The following ERC2 variants were observed in gnomAD, a reference collection of about 807,000 sequenced individuals.
The protein encoded by ERC2 is ERC protein 2.
A neutral mutation model predicts 114.8 loss-of-function variants in ERC2; 42 were observed. The observed-to-expected ratio is 0.37, with a 90% confidence interval of 0.29 to 0.47. The LOEUF is 0.47. Ranked by LOEUF, ERC2 falls within the 20% of genes least tolerant of loss-of-function variation. The pLI is 0.99. For synonymous variants in ERC2, 454 were observed against 425.5 expected, an observed-to-expected ratio of 1.07 and a Z score of -0.82; for missense variants, 939 against 1,150.7, an observed-to-expected ratio of 0.82 and a Z score of 2.66.
intron 6 of ERC2, among the ~76,000 whole-genome samples, chr3:56,107,585 A>T (rs2078739115): frequency 6.6e-6 from 1 of 152,178 alleles, no homozygotes; most frequent in Non-Finnish European, 1.5e-5. Flanking sequence ...AAAAATGTGC[A>T]GGCAACCACA....
chr3:55,835,426 TGG>T (rs2060829084), intron 14 of ERC2, among the ~76,000 whole-genome samples: 1 of 152,174 alleles, frequency 6.6e-6, no homozygotes, highest in East Asian at 1.9e-4. Context: ...GCTTCATTCC[TGG>T]GATGCAAGGC....
intron 2 of ERC2, among the ~76,000 whole-genome samples, chr3:56,351,285 C>T (rs369197936): frequency 6.4e-4 from 97 of 152,094 alleles, no homozygotes; most frequent in Non-Finnish European, 1.1e-3. Flanking sequence ...CAGAACACTG[C>T]GAAGGAAAAT....
intron 14 of ERC2, among the ~76,000 whole-genome samples, chr3:55,874,778 G>C (rs972582642): frequency 3.3e-5 from 5 of 152,044 alleles, no homozygotes; most frequent in Non-Finnish European, 2.9e-5. Flanking sequence ...CCAGACGCTA[G>C]CAACACTGGA....
intron 1 of ERC2, among the ~76,000 whole-genome samples, chr3:56,458,339 G>A (rs2063157308): frequency 6.6e-6 from 1 of 152,200 alleles, no homozygotes; most frequent in Non-Finnish European, 1.5e-5. Flanking sequence ...GGCAAAGCCA[G>A]AAAGGGAACT....
chr3:56,293,667 A>G (rs2055238268), intron 3 of ERC2, among the ~76,000 whole-genome samples: 1 of 152,166 alleles, frequency 6.6e-6, no homozygotes, highest in African/African-American at 2.4e-5. Flanking sequence ...AGGGCTACCT[A>G]CTCACTTTGG....
At chr3:55,530,242 G>C (rs946204625) in intron 17 of ERC2, among the ~76,000 whole-genome samples, 1 of 152,198 alleles carries the variant, frequency 6.6e-6, no homozygotes, top group Non-Finnish European at 1.5e-5. Flanking sequence ...CCAGGGATTG[G>C]TAAGATAGCA....
chr3:56,017,792 A>C (rs1218292289), intron 8 of ERC2, among the ~76,000 whole-genome samples: 1 of 152,010 alleles, frequency 6.6e-6, no homozygotes, highest in African/African-American at 2.4e-5. Context: ...CTAGAGTCTA[A>C]ACTCCATTAG....
chr3:56,160,219 T>A (rs533269218), intron 4 of ERC2, among the ~76,000 whole-genome samples: 1 of 152,250 alleles, frequency 6.6e-6, no homozygotes, highest in African/African-American at 2.4e-5. Context: ...CTTCTCACTG[T>A]GGTTTTTATT....
chr3:56,152,079 G>A (rs2081441915), intron 4 of ERC2, among the ~76,000 whole-genome samples: 1 of 152,062 alleles, frequency 6.6e-6, no homozygotes, highest in South Asian at 2.1e-4. Context: ...TAGAGACGGG[G>A]AAAGTGAAAT....
intron 7 of ERC2, among the ~76,000 whole-genome samples, chr3:56,080,569 T>C (rs537840785): frequency 2.6e-4 from 40 of 152,314 alleles, no homozygotes; most frequent in South Asian, 6.2e-4. Flanking sequence ...CAATTCTCTC[T>C]ATGTTTAAGC....
chr3:55,762,482 C>T (rs1233155581), intron 14 of ERC2, among the ~76,000 whole-genome samples: 5 of 152,180 alleles, frequency 3.3e-5, no homozygotes, highest in African/African-American at 4.8e-5. Context: ...ATGAATGAGA[C>T]TTTGTGCCTG....
intron 17 of ERC2, among the ~76,000 whole-genome samples, chr3:55,667,944 T>C (rs545452754): frequency 6.6e-6 from 1 of 152,308 alleles, no homozygotes; most frequent in South Asian, 2.1e-4. Context: ...TCCTGTCTGT[T>C]GTAGGATACT....
chr3:56,439,200 C>T (rs1431687198), intron 1 of ERC2, among the ~76,000 whole-genome samples: 4 of 152,156 alleles, frequency 2.6e-5, no homozygotes, highest in Admixed American at 2.6e-4. Flanking sequence ...ATGCTAGCTA[C>T]TGAGGAGGCT....
At chr3:56,015,094 T>A (rs1399880038) in intron 8 of ERC2, among the ~76,000 whole-genome samples, 1 of 152,220 alleles carries the variant, frequency 6.6e-6, no homozygotes, top group Admixed American at 6.5e-5. Flanking sequence ...CTCCATGGTT[T>A]TTTTAGCAAA....
At chr3:55,600,827 C>T (rs949239565) in intron 17 of ERC2, among the ~76,000 whole-genome samples, 1 of 152,218 alleles carries the variant, frequency 6.6e-6, no homozygotes, top group African/African-American at 2.4e-5. Flanking sequence ...AGTCAGAATC[C>T]CTAATGCAGT....
At chr3:55,674,968 C>T (rs1446116533) in intron 17 of ERC2, among the ~76,000 whole-genome samples, 7 of 152,298 alleles carry the variant, frequency 4.6e-5, no homozygotes, top group Admixed American at 1.3e-4. Context: ...CTTATAAAGG[C>T]TCAGCATCTC....
At chr3:55,855,736 T>C (rs1481538392) in intron 14 of ERC2, among the ~76,000 whole-genome samples, 1 of 152,242 alleles carries the variant, frequency 6.6e-6, no homozygotes, top group Non-Finnish European at 1.5e-5. Flanking sequence ...AATGTGGAGC[T>C]AGCAGATTTA....
chr3:56,239,092 C>T (rs2051150276), intron 3 of ERC2, among the ~76,000 whole-genome samples: 3 of 152,182 alleles, frequency 2.0e-5, no homozygotes, highest in Admixed American at 2.0e-4. Flanking sequence ...CACAGTTTAT[C>T]ACACTCTAAT....
At chr3:56,412,032 G>A (rs982455096) in intron 2 of ERC2, among the ~76,000 whole-genome samples, 1 of 152,210 alleles carries the variant, frequency 6.6e-6, no homozygotes, top group African/African-American at 2.4e-5. Context: ...TATAATCGAA[G>A]TTAAAGATCT....
Sources: gnomAD v4.1 joint callset for allele counts (sites outside exome capture counted in the v4.1 genomes callset) on GRCh38, gnomAD v4.1.1 for gene constraint, MANE v1.5 for transcripts, NCBI Gene and HGNC (gene_info 2026-07-23, HGNC 2026-07-21) for gene names.